SLC66A3: variants seen among roughly 807,000 people sequenced by gnomAD.
SLC66A3 encodes PQ loop repeat containing 3.
In SLC66A3, 23 loss-of-function variants were observed where a neutral mutation model predicts 25.5. The observed-to-expected ratio is 0.90, with a 90% CI of 0.65 to 1.28. The LOEUF (loss-of-function observed/expected upper bound fraction) is 1.28, where lower values mean the gene tolerates loss of function less well. SLC66A3 is among the 50% of genes most tolerant of loss of function. The pLI is 0.00. For synonymous variants in SLC66A3, 108 were observed against 112.6 expected (o/e 0.96, Z 0.26); for missense variants, 246 against 262.1 (o/e 0.94, Z 0.42).
In SLC66A3 at chr2:11,171,981, G is replaced by C. The variant is rs1662571484; in HGVS notation, c.411G>C (p.Trp137Cys). Residue 137 changes from tryptophan (W) to cysteine (C), a missense_variant, in exon 5 of 7, where the codon TGG becomes TGC. Trp to Cys is a radical substitution (Grantham distance 215). Around this residue, in one of 3 missense-constraint regions of SLC66A3, gnomAD observed 93 missense variants for 102.6 expected, o/e 0.91. Coordinates refer to ENST00000295083, the MANE Select transcript of SLC66A3 (RefSeq NM_152391.5). ...ASKFAQLQCL[W>C]KTRDSGTVSA... The stretch of plus-strand genomic sequence containing the variant: ...AGTTTGCACAGCTCCAGTGTCTGTG[G>C]AAGACGAGAGACTCAGGAACTGTGA... The C allele has an allele frequency of 6.2e-7, 1 of 1,613,964 alleles. No individual in the cohort carries two copies. The highest frequency in any genetic ancestry group is 8.5e-7 in the Non-Finnish European group (1 of 1,179,902).
At chr2:11,175,947 C>T (rs780292064) in intron 6 of SLC66A3, among the ~76,000 whole-genome samples, 3 of 152,158 alleles carry the variant, frequency 2.0e-5, no homozygotes, top group Non-Finnish European at 2.9e-5. Flanking sequence ...TATACCTTTG[C>T]TCGAATACTT....
In SLC66A3 at chr2:11,164,343, A is replaced by ATTT. The variant is rs1323751814; in HGVS notation, c.354+83_354+84insTTT. ...GATAGATATTTATATATATATATATATATTTTTTTTTTTTTGAAATGGAGT... is the reference window on the plus strand; with the variant it reads ...GATAGATATTTATATATATATATATATTTTATTTTTTTTTTTTTGAAATGGAGT... On this transcript the variant is annotated intron_variant, in intron 4 of 6. Transcript: ENST00000295083. 107 of 112,730 alleles carry ATTT rather than the reference A, an allele frequency of 9.5e-4. 1 individual carries two copies. Among genetic ancestry groups the ATTT allele is most frequent in the African/African-American group, 4.5e-3 (94 of 20,872 alleles). 7.0% of individuals were successfully genotyped at this position (112,730 alleles called of 1,614,324 possible). A position where few individuals can be genotyped will look rare whatever the true frequency, so the allele number is the denominator to read the frequency against.
chr2:11,169,107 C>T (rs1027747854), intron 4 of SLC66A3, among the ~76,000 whole-genome samples: 1 of 152,196 alleles, frequency 6.6e-6, no homozygotes, highest in African/African-American at 2.4e-5. Flanking sequence ...ATCCTCCTGC[C>T]TTGGCCTCCC....
chr2:11,163,808 C>T (rs1662209024), intron 3 of SLC66A3, among the ~76,000 whole-genome samples: 3 of 152,202 alleles, frequency 2.0e-5, no homozygotes, highest in Admixed American at 1.3e-4. Flanking sequence ...AAATTCACAT[C>T]ACAGCAATTT....
At chr2:11,156,557 G>A (rs943721437) in intron 1 of SLC66A3, among the ~76,000 whole-genome samples, 2 of 152,136 alleles carry the variant, frequency 1.3e-5, no homozygotes, top group African/African-American at 2.4e-5. Context: ...CGGCATACAG[G>A]ATGGGAAGAA....
At chr2:11,176,727 A>G (rs1010017912) in intron 6 of SLC66A3, among the ~76,000 whole-genome samples, 133 of 138,780 alleles carry the variant, frequency 9.6e-4, no homozygotes, top group African/African-American at 3.3e-3. Flanking sequence ...ACGGGGTTTC[A>G]CCGTTTTAGC....
At chr2:11,170,894 GTACT>G (rs1016511776) in intron 4 of SLC66A3, among the ~76,000 whole-genome samples, 7 of 151,958 alleles carry the variant, frequency 4.6e-5, no homozygotes, top group African/African-American at 9.7e-5. Context: ...TGGCTCCTCA[GTACT>G]TACTTCTCAT....
chr2:11,168,543 T>C (rs1662433590), intron 4 of SLC66A3, among the ~76,000 whole-genome samples: 1 of 152,140 alleles, frequency 6.6e-6, no homozygotes, highest in South Asian at 2.1e-4. Context: ...TCTGGGACCC[T>C]GATGTGTGTG....
rs1662827823 is a variant in SLC66A3 at position 11,178,043 on chromosome 2, G to C, written c.*215G>C. 2.0e-6 allele frequency: 1 copy of C among 500,068 alleles called. No homozygotes were observed. Among genetic ancestry groups the C allele is most frequent in the Non-Finnish European group, 3.5e-6 (1 of 283,472 alleles). 31.0% of individuals were successfully genotyped at this position (500,068 alleles called of 1,614,324 possible). On this transcript the variant is annotated 3_prime_UTR_variant, in exon 7 of 7. Coordinates refer to ENST00000295083, the MANE Select transcript of SLC66A3 (RefSeq NM_152391.5). ...TTCCTCACTTCGTTAGGTTATGGTA[G>C]TGCTCAGACATCTGCAGTGTTGAGG...
intron 5 of SLC66A3, among the ~76,000 whole-genome samples, chr2:11,174,372 T>C (rs1662658710): frequency 1.3e-5 from 2 of 152,240 alleles, no homozygotes; most frequent in African/African-American, 2.4e-5. Context: ...ACAGAGACAG[T>C]GGAAGGGAGC....
intron 4 of SLC66A3, among the ~76,000 whole-genome samples, chr2:11,166,366 G>A (rs35898907): frequency 0.43 from 65,113 of 151,954 alleles, 15,014 homozygotes; most frequent in South Asian, 0.54. Context: ...TGACAGAAGT[G>A]AACGTTTCTA....
chr2:11,155,795 CGCCGGCGTCGCAGCTGGGCG>C lies in SLC66A3; in HGVS notation c.143+111_143+130del, dbSNP rs991671730. The C allele has an allele frequency of 7.2e-6, 8 of 1,113,806 alleles. No homozygotes were observed. The Admixed American group carries it at 2.1e-4, about 30-fold the overall frequency. 69.0% of individuals were successfully genotyped at this position (1,113,806 alleles called of 1,614,324 possible). The stretch of plus-strand genomic sequence containing the variant: ...AAGTAGGGCGGGGATGATCCCCGCG[CGCCGGCGTCGCAGCTGGGCG>C]GCCGAGGGTGAACTAGGGAGCCTAG... On this transcript the variant is annotated intron_variant, in intron 1 of 6. Coordinates refer to ENST00000295083, the MANE Select transcript of SLC66A3 (RefSeq NM_152391.5).
intron 4 of SLC66A3, among the ~76,000 whole-genome samples, chr2:11,170,207 T>G (rs1283168895): frequency 2.0e-5 from 3 of 152,138 alleles, no homozygotes; most frequent in Non-Finnish European, 2.9e-5. Flanking sequence ...TTGAAATATA[T>G]CCGGAACCTG....
At chr2:11,161,310 G>A (rs930128729) in intron 3 of SLC66A3, among the ~76,000 whole-genome samples, 2 of 150,204 alleles carry the variant, frequency 1.3e-5, no homozygotes, top group Non-Finnish European at 2.9e-5. Context: ...AGACGGTCTC[G>A]CTCTGTGGCC....
intron 4 of SLC66A3, among the ~76,000 whole-genome samples, chr2:11,168,835 C>T (rs72785455): frequency 0.042 from 6,399 of 152,122 alleles, 273 homozygotes; most frequent in Non-Finnish European, 0.06. Flanking sequence ...AAGAGCACTC[C>T]CTGCGGTTCC....
At chr2:11,171,382 A>G (rs1662547516) in intron 4 of SLC66A3, among the ~76,000 whole-genome samples, 1 of 152,162 alleles carries the variant, frequency 6.6e-6, no homozygotes, top group Admixed American at 6.5e-5. Flanking sequence ...TTAGGTTTCA[A>G]CTTTGTACAA....
intron 5 of SLC66A3, among the ~76,000 whole-genome samples, chr2:11,174,203 G>A (rs1055237991): frequency 1.3e-5 from 2 of 152,040 alleles, no homozygotes; most frequent in African/African-American, 2.4e-5. Flanking sequence ...TGATCCACCC[G>A]CCTCAGCCTC....
At chr2:11,175,069 T>G in intron 6 of SLC66A3, 60 bp downstream of exon 6, 1 of 1,306,976 alleles carries the variant, frequency 7.7e-7, no homozygotes, top group Non-Finnish European at 1.1e-6. Flanking sequence ...TCTCCTTCAT[T>G]TGTAAACTGT....
intron 4 of SLC66A3, among the ~76,000 whole-genome samples, chr2:11,168,808 G>C (rs976815842): frequency 1.3e-5 from 2 of 151,982 alleles, no homozygotes; most frequent in African/African-American, 4.8e-5. Context: ...ACAGGTTCTT[G>C]GTCAACTCCT....
Sources: allele counts gnomAD v4.1 joint callset (sites outside exome capture counted in the v4.1 genomes callset), GRCh38; gene constraint gnomAD v4.1.1; regional missense constraint gnomAD v4.1.1; transcripts MANE v1.5; gene names NCBI Gene and HGNC (gene_info 2026-07-23, HGNC 2026-07-21).